The following MAST4 variants were observed in gnomAD, a reference collection of about 807,000 sequenced individuals.
MAST4 encodes the protein microtubule-associated serine/threonine-protein kinase 4.
In MAST4, 89 loss-of-function variants were observed where a neutral mutation model predicts 162.7. The observed-to-expected ratio is 0.55, with a 90% CI of 0.46 to 0.65. MAST4 has a LOEUF of 0.65. MAST4 is among the 30% of genes least tolerant of loss of function. The pLI is 0.00. For synonymous variants in MAST4, 1,479 were observed against 1,361.1 expected (o/e 1.09, Z -1.91); for missense variants, 3,153 against 3,374.0 (o/e 0.93, Z 1.62).
At chr5:66,995,078 T>C (rs1750480395) in intron 4 of MAST4, among the ~76,000 whole-genome samples, 1 of 152,216 alleles carries the variant, frequency 6.6e-6, no homozygotes, top group South Asian at 2.1e-4. Flanking sequence ...CCAGTTGCCA[T>C]AGACAAGGTA....
chr5:66,697,996 C>T (rs1237895242), intron 1 of MAST4, among the ~76,000 whole-genome samples: 1 of 151,668 alleles, frequency 6.6e-6, no homozygotes, highest in Non-Finnish European at 1.5e-5. Context: ...CTAACCACCA[C>T]TTTCTGTCCT....
At chr5:66,727,888 C>T (rs569949013) in intron 1 of MAST4, among the ~76,000 whole-genome samples, 2 of 152,134 alleles carry the variant, frequency 1.3e-5, no homozygotes, top group African/African-American at 4.8e-5. Flanking sequence ...CCTTGTGACT[C>T]ACTTGGATCA....
At chr5:67,017,116 A>T (rs1753391936) in intron 4 of MAST4, among the ~76,000 whole-genome samples, 1 of 152,232 alleles carries the variant, frequency 6.6e-6, no homozygotes. Flanking sequence ...AGAACGAAAA[A>T]GTAACTGCTT....
chr5:66,959,490 A>G (rs1303654005), intron 4 of MAST4, among the ~76,000 whole-genome samples: 1 of 152,228 alleles, frequency 6.6e-6, no homozygotes, highest in East Asian at 1.9e-4. Context: ...CATTGCAGTC[A>G]GAGGAAAAGC....
intron 1 of MAST4, among the ~76,000 whole-genome samples, chr5:66,597,461 G>T (rs372349156): frequency 6.6e-5 from 10 of 152,276 alleles, no homozygotes; most frequent in African/African-American, 2.2e-4. Flanking sequence ...CAGGAGTAGG[G>T]TGGGGGGCAG....
intron 5 of MAST4, among the ~76,000 whole-genome samples, chr5:67,077,428 G>A (rs1312811808): frequency 6.6e-6 from 1 of 152,126 alleles, no homozygotes; most frequent in African/African-American, 2.4e-5. Flanking sequence ...ACACTATTGT[G>A]CCTAAGAAGC....
chr5:67,102,559 G>C lies in MAST4; in HGVS notation c.1094G>C (p.Cys365Ser). Residue 365 changes from cysteine to serine, a missense_variant, in exon 9 of 29, where the codon TGT (cysteine) becomes TCT (serine). Cys to Ser is a moderately radical substitution (Grantham distance 112). This residue lies in a region of MAST4 where 360 missense variants were observed against 450.0 expected (regional missense o/e 0.80). Transcript: ENST00000403625. ...AGCCCTGGACGTTCTCCCGCCTGCT[G>C]TGACCATGAAATAATTATGATGAAC... ...SLSPGRSPAC[C>S]DHEIIMMNHV... 1.2e-6 allele frequency: 2 copies of C among 1,613,978 alleles called. No homozygotes were observed. The highest frequency in any genetic ancestry group is 1.7e-6 in the Non-Finnish European group (2 of 1,179,852).
intron 3 of MAST4, among the ~76,000 whole-genome samples, chr5:66,895,147 C>T (rs1762601156): frequency 6.6e-6 from 1 of 152,102 alleles, no homozygotes; most frequent in South Asian, 2.1e-4. Context: ...TTCAGGGGTG[C>T]GAGTAGCCAT....
chr5:67,154,787 A>C (rs1362203105), intron 26 of MAST4, among the ~76,000 whole-genome samples: 1 of 152,234 alleles, frequency 6.6e-6, no homozygotes, highest in East Asian at 1.9e-4. Flanking sequence ...AGGAGTAAGC[A>C]ATGTCATGAA....
chr5:66,662,683 G>T (rs367739854), intron 1 of MAST4: 103 of 152,060 alleles, frequency 6.8e-4, no homozygotes, highest in African/African-American at 2.5e-3. Flanking sequence ...TCTGTTTAAA[G>T]ATAATGAAAA....
At chr5:66,772,391 A>G (rs1318859529) in intron 2 of MAST4, among the ~76,000 whole-genome samples, 2 of 152,134 alleles carry the variant, frequency 1.3e-5, no homozygotes, top group African/African-American at 2.4e-5. Flanking sequence ...GGGAAAGGCT[A>G]TGTGGCTTGA....
chr5:66,749,733 T>A (rs78918550), intron 1 of MAST4, among the ~76,000 whole-genome samples: 2 of 152,200 alleles, frequency 1.3e-5, no homozygotes, highest in South Asian at 4.1e-4. Context: ...TATTTATTGT[T>A]ACTAACATCT....
chr5:66,924,536 GGCGTCCGCCACC>G, intron 4 of MAST4, among the ~76,000 whole-genome samples: 1 of 152,010 alleles, frequency 6.6e-6, no homozygotes, highest in African/African-American at 2.4e-5. Flanking sequence ...TGGGACTATA[GGCGTCCGCCACC>G]GCGTCCACCA....
At chr5:67,093,954 T>C (rs1450602179) in intron 6 of MAST4, among the ~76,000 whole-genome samples, 1 of 152,240 alleles carries the variant, frequency 6.6e-6, no homozygotes, top group Non-Finnish European at 1.5e-5. Context: ...TCAACCAGTG[T>C]CCATTTAATA....
chr5:66,915,338 C>T (rs1764042760), intron 4 of MAST4, among the ~76,000 whole-genome samples: 1 of 149,016 alleles, frequency 6.7e-6, no homozygotes, highest in Non-Finnish European at 1.5e-5. Context: ...ATGTTTTCTT[C>T]TGAGGAGAAA....
At chr5:66,961,163 G>C (rs989461463) in intron 4 of MAST4, among the ~76,000 whole-genome samples, 1 of 152,200 alleles carries the variant, frequency 6.6e-6, no homozygotes, top group Non-Finnish European at 1.5e-5. Context: ...TTCACTCATG[G>C]AGAAAGCTAA....
At chr5:66,878,450 C>T (rs1424249736) in intron 3 of MAST4, among the ~76,000 whole-genome samples, 1 of 152,222 alleles carries the variant, frequency 6.6e-6, no homozygotes, top group African/African-American at 2.4e-5. Context: ...CACCTTTGGG[C>T]AGTGAGGTTA....
chr5:66,903,438 T>TTGTGTG (rs3042310), intron 4 of MAST4, among the ~76,000 whole-genome samples: 7,975 of 148,674 alleles, frequency 0.054, 293 homozygotes, highest in East Asian at 0.15. Context: ...ACACCTGTGT[T>TTGTGTG]TGTGTGTGTG....
intron 2 of MAST4, among the ~76,000 whole-genome samples, chr5:66,778,751 A>G (rs17213476): frequency 0.24 from 36,240 of 152,112 alleles, 5,641 homozygotes; most frequent in Non-Finnish European, 0.35. Context: ...TATTACCCAT[A>G]CCAAAAATTA....
Sources: gnomAD v4.1 joint callset for allele counts (sites outside exome capture counted in the v4.1 genomes callset) on GRCh38, gnomAD v4.1.1 for gene constraint, gnomAD v4.1.1 regional missense constraint, MANE v1.5 for transcripts, NCBI Gene and HGNC (gene_info 2026-07-23, HGNC 2026-07-21) for gene names.